Variants in PDCD10 observed in about 807,000 individuals in gnomAD.
PDCD10 encodes programmed cell death protein 10.
In PDCD10, 4 loss-of-function variants were observed where a neutral mutation model predicts 29.2. The observed-to-expected ratio is 0.14, with a 90% confidence interval of 0.07 to 0.31. The LOEUF (loss-of-function observed/expected upper bound fraction) is 0.31, where lower values mean the gene tolerates loss of function less well. Among genes scored for constraint, PDCD10 ranks in the 10% least tolerant of loss-of-function variants. The probability of loss-of-function intolerance (pLI) is 1.00; values close to 1 mark genes in which losing one functional copy is unlikely to be tolerated. For missense variants in PDCD10, 183 were observed against 257.9 expected, an observed-to-expected ratio of 0.71 and a Z score of 1.99; for synonymous variants, 70 against 82.2, an observed-to-expected ratio of 0.85 and a Z score of 0.80.
At chr3:167,694,550 A>G (rs1466875438) in intron 6 of PDCD10, 1 of 154,784 alleles carries the variant, frequency 6.5e-6, no homozygotes, top group African/African-American at 2.4e-5. Flanking sequence ...TCCACTACTG[A>G]AAGAGCAGGT....
chr3:167,708,886 T>G (rs1005205665), intron 3 of PDCD10, among the ~76,000 whole-genome samples: 2 of 152,214 alleles, frequency 1.3e-5, no homozygotes, highest in African/African-American at 4.8e-5. Context: ...TAGTACTATT[T>G]TAAACACTTT....
intron 2 of PDCD10, chr3:167,730,647 T>C (rs1397511047): frequency 6.6e-6 from 1 of 152,178 alleles, no homozygotes; most frequent in East Asian, 1.9e-4. Context: ...GGTAAATCCA[T>C]GAAGGCATAC....
intron 4 of PDCD10, among the ~76,000 whole-genome samples, chr3:167,699,785 TGAA>T (rs969944959): frequency 3.9e-5 from 6 of 152,192 alleles, no homozygotes; most frequent in Admixed American, 2.6e-4. Flanking sequence ...AGCTGACCCT[TGAA>T]GAACTGGTTT....
At chr3:167,696,937 C>G in intron 5 of PDCD10, 72 bp downstream of exon 5, 1 of 843,950 alleles carries the variant, frequency 1.2e-6, no homozygotes, top group Non-Finnish European at 2.1e-6. Context: ...ATCCTTTGGT[C>G]AAATAATAAT....
At chr3:167,734,128 T>C (rs1725119503) in intron 2 of PDCD10, 86 bp downstream of exon 2, 1 of 152,210 alleles carries the variant, frequency 6.6e-6, no homozygotes, top group South Asian at 2.1e-4. Context: ...GTGTGTGACC[T>C]TGGGCACGTC....
intron 8 of PDCD10, among the ~76,000 whole-genome samples, chr3:167,685,478 T>C (rs746274952): frequency 4.7e-5 from 7 of 150,266 alleles, no homozygotes; most frequent in Non-Finnish European, 7.4e-5. Flanking sequence ...TACTGAAAGA[T>C]GGCCTAAAGA....
At chr3:167,712,038 C>G (rs753267001) in intron 3 of PDCD10, among the ~76,000 whole-genome samples, 11 of 152,070 alleles carry the variant, frequency 7.2e-5, no homozygotes, top group Non-Finnish European at 1.2e-4. Context: ...AAGAAAAGGA[C>G]ATTCAGGAGC....
intron 2 of PDCD10, among the ~76,000 whole-genome samples, chr3:167,726,092 C>T (rs183248423): frequency 7.8e-4 from 113 of 144,544 alleles, no homozygotes; most frequent in Middle Eastern, 3.6e-3. Flanking sequence ...AGTGTATGCA[C>T]TTACATATTT....
chr3:167,728,421 G>C (rs1191672345), intron 2 of PDCD10, among the ~76,000 whole-genome samples: 1 of 152,108 alleles, frequency 6.6e-6, no homozygotes, highest in Non-Finnish European at 1.5e-5. Context: ...TAACATCTTA[G>C]GGTTTTGTCA....
intron 6 of PDCD10, among the ~76,000 whole-genome samples, chr3:167,690,340 A>C (rs1289800435): frequency 1.3e-5 from 2 of 152,234 alleles, no homozygotes; most frequent in Non-Finnish European, 2.9e-5. Context: ...ATGAAAGGGA[A>C]TCCCTGTGCT....
intron 7 of PDCD10, 27 bp from the exon 8 acceptor site, chr3:167,687,343 T>C: frequency 7.9e-7 from 1 of 1,270,658 alleles, no homozygotes; most frequent in East Asian, 2.3e-5. Context: ...TAATAAGAAA[T>C]AAAGTACTAA....
chr3:167,700,879 G>T (rs1440199487), intron 4 of PDCD10, among the ~76,000 whole-genome samples: 2 of 152,138 alleles, frequency 1.3e-5, no homozygotes, highest in Non-Finnish European at 2.9e-5. Context: ...GCCTGAAAAG[G>T]TTTTTAATAC....
chr3:167,733,239 T>C (rs1185118664), intron 2 of PDCD10, among the ~76,000 whole-genome samples: 1 of 152,218 alleles, frequency 6.6e-6, no homozygotes, highest in East Asian at 1.9e-4. Context: ...CATGATTTAT[T>C]ACATGCTAAC....
chr3:167,708,293 C>A (rs1430573738), intron 3 of PDCD10, among the ~76,000 whole-genome samples: 1 of 150,866 alleles, frequency 6.6e-6, no homozygotes, highest in Non-Finnish European at 1.5e-5. Context: ...GCCATTTAGC[C>A]CTTTGGTTAC....
At chr3:167,696,239 A>G (rs1340554205) in intron 5 of PDCD10, among the ~76,000 whole-genome samples, 1 of 152,218 alleles carries the variant, frequency 6.6e-6, no homozygotes, top group African/African-American at 2.4e-5. Flanking sequence ...ACTTAAAAAC[A>G]AAAACACCAG....
intron 2 of PDCD10, among the ~76,000 whole-genome samples, chr3:167,732,522 C>T (rs9818496): frequency 0.29 from 43,768 of 151,988 alleles, 6,939 homozygotes; most frequent in African/African-American, 0.43. Flanking sequence ...ACAACAGTAC[C>T]GCAGCATGTG....
In PDCD10 at chr3:167,720,256, C is replaced by T; in HGVS notation, c.-99G>A. 1.3e-6 allele frequency: 1 copy of T among 766,766 alleles called. No homozygotes were observed. Among genetic ancestry groups the T allele is most frequent in the South Asian group, 1.4e-5 (1 of 69,282 alleles). 47.5% of individuals were successfully genotyped at this position (766,766 alleles called of 1,614,324 possible). ...CTTTTTTGGTGATAAAAGAATTGGA[C>T]ACAAAAAACACACTGATCTGGTGAA... On this transcript the variant is annotated 5_prime_UTR_variant, in exon 3 of 9. Coordinates refer to ENST00000392750, the MANE Select transcript of PDCD10 (RefSeq NM_007217.4).
At chr3:167,695,773 T>C in intron 5 of PDCD10, 51 bp from the exon 6 acceptor site, 5 of 1,568,776 alleles carry the variant, frequency 3.2e-6, no homozygotes, top group Non-Finnish European at 4.4e-6. Context: ...TCTGCCAAAT[T>C]CATCACATCT....
chr3:167,724,842 A>G (rs962184785), intron 2 of PDCD10, among the ~76,000 whole-genome samples: 1 of 152,244 alleles, frequency 6.6e-6, no homozygotes, highest in African/African-American at 2.4e-5. Context: ...TTCTTTAAGC[A>G]TCAAATCATT....
Sources: allele counts gnomAD v4.1 joint callset (sites outside exome capture counted in the v4.1 genomes callset), GRCh38; gene constraint gnomAD v4.1.1; transcripts MANE v1.5; gene names NCBI Gene and HGNC (gene_info 2026-07-23, HGNC 2026-07-21).